The following GNG12 variants were observed in gnomAD, a reference collection of about 807,000 sequenced individuals.
GNG12 encodes guanine nucleotide-binding protein G(I)/G(S)/G(O) subunit gamma-12.
For synonymous variants in GNG12, 28 were observed against 29.7 expected (o/e 0.94, Z 0.19); for missense variants, 69 against 83.8 (o/e 0.82, Z 0.69).
chr1:67,819,904 T>C (rs1284129346), intron 1 of GNG12, among the ~76,000 whole-genome samples: 1 of 151,852 alleles, frequency 6.6e-6, no homozygotes, highest in Non-Finnish European at 1.5e-5. Flanking sequence ...CTCCAAAGAG[T>C]GGTCTTTCCT....
chr1:67,753,518 G>A (rs1646551182), intron 2 of GNG12, among the ~76,000 whole-genome samples: 2 of 152,130 alleles, frequency 1.3e-5, no homozygotes, highest in African/African-American at 4.8e-5. Context: ...AGGAGTGGTG[G>A]GCAGGCCAGC....
intron 2 of GNG12, among the ~76,000 whole-genome samples, chr1:67,774,173 T>G (rs1646691204): frequency 6.6e-6 from 1 of 152,218 alleles, no homozygotes; most frequent in Admixed American, 6.5e-5. Flanking sequence ...CCAGCCACCG[T>G]AAGTCATCAA....
chr1:67,794,855 A>G (rs566153096), intron 1 of GNG12, among the ~76,000 whole-genome samples: 1 of 152,314 alleles, frequency 6.6e-6, no homozygotes, highest in African/African-American at 2.4e-5. Context: ...CGCTCCATCC[A>G]TCTATCCAAC....
intron 1 of GNG12, among the ~76,000 whole-genome samples, chr1:67,779,726 T>C (rs1252691009): frequency 6.6e-6 from 1 of 152,144 alleles, no homozygotes; most frequent in Non-Finnish European, 1.5e-5. Flanking sequence ...TACACTACTA[T>C]AGTTATGTGT....
At chr1:67,821,667 A>C (rs1467794364) in intron 1 of GNG12, among the ~76,000 whole-genome samples, 1 of 152,166 alleles carries the variant, frequency 6.6e-6, no homozygotes, top group Non-Finnish European at 1.5e-5. Context: ...GAGATAATTC[A>C]TATTTGTTGT....
intron 2 of GNG12, among the ~76,000 whole-genome samples, chr1:67,776,861 C>G (rs1436751533): frequency 6.6e-6 from 1 of 152,148 alleles, no homozygotes; most frequent in Non-Finnish European, 1.5e-5. Context: ...CTGATACACA[C>G]TGCAAATAAC....
intron 2 of GNG12, among the ~76,000 whole-genome samples, chr1:67,724,088 C>T (rs1324459507): frequency 3.3e-5 from 5 of 152,066 alleles, no homozygotes; most frequent in Non-Finnish European, 7.4e-5. Flanking sequence ...GGAATTGTAT[C>T]GAAACTTTCA....
At chr1:67,731,586 G>C (rs1646420357) in intron 2 of GNG12, among the ~76,000 whole-genome samples, 1 of 152,196 alleles carries the variant, frequency 6.6e-6, no homozygotes, top group South Asian at 2.1e-4. Flanking sequence ...TGCAGGAAAG[G>C]GCAGGCAGTT....
At position 67,742,408 on chromosome 1, in the gene GNG12, C is replaced by T. The variant is rs560381037; in HGVS notation, c.-26-34696G>A. Among the ~76,000 whole-genome samples, 4 of 152,204 alleles carry T rather than the reference C, an allele frequency of 2.6e-5. No homozygotes were observed. The South Asian group carries it at 8.3e-4, about 32-fold the overall frequency. On this transcript the variant is annotated intron_variant, in intron 2 of 3. Transcript: ENST00000370982. ...CAGAGAATTCAGGAATTCTCTGGCCCTAAGGATCTGGTAATTCACCTGGGA... is the reference window on the plus strand; with the variant it reads ...CAGAGAATTCAGGAATTCTCTGGCCTTAAGGATCTGGTAATTCACCTGGGA...
intron 1 of GNG12, among the ~76,000 whole-genome samples, chr1:67,809,237 C>A (rs766164472): frequency 2.0e-5 from 3 of 151,966 alleles, no homozygotes; most frequent in African/African-American, 4.8e-5. Flanking sequence ...CTGCCCCCAC[C>A]AAAAAAGAAA....
At chr1:67,829,349 C>A (rs987800966) in intron 1 of GNG12, among the ~76,000 whole-genome samples, 2 of 152,106 alleles carry the variant, frequency 1.3e-5, no homozygotes, top group Non-Finnish European at 2.9e-5. Flanking sequence ...ACTTGTTTAA[C>A]AAATTAATAT....
intron 2 of GNG12, among the ~76,000 whole-genome samples, chr1:67,748,802 G>T (rs1646521379): frequency 6.6e-6 from 1 of 152,116 alleles, no homozygotes; most frequent in Non-Finnish European, 1.5e-5. Flanking sequence ...TGCTACTTTT[G>T]GAGGCAGGAC....
rs1407300795 is a variant in GNG12, at chr1:67,786,985, G to GTGTA, written c.-76-9479_-76-9478insTACA. On this transcript the variant is annotated intron_variant, in intron 1 of 3. Coordinates refer to ENST00000370982, the MANE Select transcript of GNG12 (RefSeq NM_018841.6). ...TGTGTGTGTGTGTGTGTGTGTGTGT[G>GTGTA]TATGTATATATATGTGTATATCTGT... 1.7e-3 allele frequency among the ~76,000 whole-genome samples: 206 copies of GTGTA among 118,994 alleles called. 2 individuals are homozygous for GTGTA. Among genetic ancestry groups the GTGTA allele is most frequent in the Middle Eastern group, 0.012 (3 of 244 alleles). 78.1% of individuals were successfully genotyped at this position (118,994 alleles called of 152,430 possible). A position where few individuals can be genotyped will look rare whatever the true frequency, so the allele number is the denominator to read the frequency against.
At chr1:67,742,006 A>G (rs145743769) in intron 2 of GNG12, among the ~76,000 whole-genome samples, 1 of 152,310 alleles carries the variant, frequency 6.6e-6, no homozygotes, top group East Asian at 1.9e-4. Context: ...CCGTGGGGTA[A>G]GTCATTTTTT....
chr1:67,784,913 C>A (rs759482923), intron 1 of GNG12, among the ~76,000 whole-genome samples: 32 of 152,148 alleles, frequency 2.1e-4, no homozygotes, highest in Non-Finnish European at 3.5e-4. Flanking sequence ...ATCATCATAG[C>A]AACCCTGTGA....
At chr1:67,722,907 T>C (rs1399628353) in intron 2 of GNG12, among the ~76,000 whole-genome samples, 3 of 152,150 alleles carry the variant, frequency 2.0e-5, no homozygotes, top group Non-Finnish European at 4.4e-5. Context: ...TAATGTTGTA[T>C]AATATTGAAC....
chr1:67,794,293 T>C (rs1478656802), intron 1 of GNG12, among the ~76,000 whole-genome samples: 1 of 152,128 alleles, frequency 6.6e-6, no homozygotes, highest in African/African-American at 2.4e-5. Flanking sequence ...ATGGGAGCTG[T>C]AGTTTAAGGG....
At chr1:67,708,872 CT>C (rs1436649249) in intron 2 of GNG12, among the ~76,000 whole-genome samples, 2 of 152,182 alleles carry the variant, frequency 1.3e-5, no homozygotes, top group Non-Finnish European at 2.9e-5. Context: ...CTGACTCAAC[CT>C]TTTGGAGAGG....
At position 67,701,930 on chromosome 1, in the gene GNG12, T is replaced by C. The variant is rs780374721; in HGVS notation, c.*3521A>G. 1 of 152,634 alleles carries C rather than the reference T, an allele frequency of 6.6e-6. No individual in the cohort carries two copies. The highest frequency in any genetic ancestry group is 1.5e-5 in the Non-Finnish European group (1 of 68,032). The allele number at this position is 152,634 out of a possible 1,614,324, so 9.5% of individuals were successfully genotyped here. On this transcript the variant is annotated 3_prime_UTR_variant, in exon 4 of 4. Coordinates refer to ENST00000370982, the MANE Select transcript of GNG12 (RefSeq NM_018841.6). ...TGAAGCAGCTTATAGCACCAACACG[T>C]TGGCAGGACCAGCAGAGGGGTGGGG...
Sources: allele counts gnomAD v4.1 joint callset (sites outside exome capture counted in the v4.1 genomes callset), GRCh38; gene constraint gnomAD v4.1.1; transcripts MANE v1.5; gene names NCBI Gene and HGNC (gene_info 2026-07-23, HGNC 2026-07-21).